The following RGL1 variants were observed in gnomAD, a reference collection of about 807,000 sequenced individuals.
The protein encoded by RGL1 is ral guanine nucleotide dissociation stimulator-like 1.
RGL1 carries 24 observed loss-of-function variants against 95.2 expected under a neutral mutation model. That is an observed-to-expected ratio of 0.25 (90% CI 0.18 to 0.35). The LOEUF (loss-of-function observed/expected upper bound fraction) is 0.35. Ranked by LOEUF, RGL1 falls within the 10% of genes least tolerant of loss-of-function variation. RGL1 has a pLI of 1.00. For synonymous variants in RGL1, 329 were observed against 344.9 expected, an observed-to-expected ratio of 0.95 and a Z score of 0.51; for missense variants, 715 against 936.3, an observed-to-expected ratio of 0.76 and a Z score of 3.08.
chr1:183,730,795 T>C (rs1276147336), intron 1 of RGL1, among the ~76,000 whole-genome samples: 2 of 152,170 alleles, frequency 1.3e-5, no homozygotes, highest in Non-Finnish European at 2.9e-5. Flanking sequence ...CTAGGCTGAC[T>C]TAATCAATGT....
In RGL1 at chr1:183,700,263, T is replaced by G. The variant is rs562556453; in HGVS notation, c.-32-41863T>G. Among the ~76,000 whole-genome samples, 3 of 152,222 alleles carry G rather than the reference T, an allele frequency of 2.0e-5. No individual in the cohort carries two copies. The South Asian group carries it at 6.2e-4, about 32-fold the overall frequency. ...GGAATTGTAGGCTGATGATAGTAGC[T>G]TTGTTGAGTTGGTAGCACTGGATCC... On this transcript the variant is annotated intron_variant, in intron 1 of 18. Transcript: ENST00000304685.
At chr1:183,644,647 ATT>A (rs1250565449) in intron 1 of RGL1, among the ~76,000 whole-genome samples, 1 of 151,832 alleles carries the variant, frequency 6.6e-6, no homozygotes, top group African/African-American at 2.4e-5. Context: ...TTTAAAATTT[ATT>A]TTATTTTATT....
At chr1:183,808,046 C>G (rs1301708087) in intron 2 of RGL1, among the ~76,000 whole-genome samples, 3 of 152,166 alleles carry the variant, frequency 2.0e-5, no homozygotes, top group South Asian at 2.1e-4. Context: ...GGTTATTCCT[C>G]TCTTTCTAAT....
intron 7 of RGL1, among the ~76,000 whole-genome samples, chr1:183,885,450 C>A (rs919678398): frequency 6.6e-6 from 1 of 152,172 alleles, no homozygotes; most frequent in African/African-American, 2.4e-5. Flanking sequence ...ACAGAGATCT[C>A]ATATTAATCT....
At chr1:183,805,389 G>A in intron 1 of RGL1, 65 bp downstream of exon 1, 9 of 1,478,606 alleles carry the variant, frequency 6.1e-6, no homozygotes, top group Non-Finnish European at 8.4e-6. Context: ...CGCTTTCGCT[G>A]GGCGTGTTTT....
At chr1:183,788,004 A>G (rs1475548821) in intron 2 of RGL1, among the ~76,000 whole-genome samples, 1 of 152,054 alleles carries the variant, frequency 6.6e-6, no homozygotes, top group Admixed American at 6.6e-5. Flanking sequence ...TTTTCTTCAT[A>G]AATTACCCAG....
At chr1:183,773,269 T>C (rs1421735555) in intron 2 of RGL1, among the ~76,000 whole-genome samples, 2 of 152,136 alleles carry the variant, frequency 1.3e-5, no homozygotes, top group Admixed American at 6.5e-5. Flanking sequence ...TGTACACTTA[T>C]CACATTATAT....
intron 1 of RGL1, among the ~76,000 whole-genome samples, chr1:183,704,868 C>T (rs762748002): frequency 3.3e-5 from 5 of 152,152 alleles, no homozygotes; most frequent in South Asian, 2.1e-4. Context: ...TAGCAGCTGC[C>T]GCCAATGCTT....
At chr1:183,717,879 C>G (rs1655724799) in intron 1 of RGL1, among the ~76,000 whole-genome samples, 1 of 152,300 alleles carries the variant, frequency 6.6e-6, no homozygotes, top group East Asian at 1.9e-4. Flanking sequence ...CTTCTCTCCT[C>G]TTGAGCAAAT....
At chr1:183,655,559 T>C (rs553889983) in intron 1 of RGL1, among the ~76,000 whole-genome samples, 12 of 152,164 alleles carry the variant, frequency 7.9e-5, no homozygotes, top group African/African-American at 2.9e-4. Context: ...ACTAAGGAGT[T>C]AGATGGGAAA....
chr1:183,679,960 T>C lies in RGL1; in HGVS notation c.-33+43459T>C, dbSNP rs192316236. ...GTGGTTTTGATTTGCATTTCTCTAA[T>C]GACCAGTGATGATGAGCTTTTTTTT... On this transcript the variant is annotated intron_variant, in intron 1 of 18. Coordinates refer to the RGL1 transcript ENST00000304685. Among the ~76,000 whole-genome samples the C allele has an allele frequency of 5.2e-3, 798 of 152,366 alleles. 5 individuals are homozygous for C. Among genetic ancestry groups the C allele is most frequent in the African/African-American group, 0.018 (753 of 41,580 alleles).
chr1:183,702,941 A>G (rs1572297949), intron 1 of RGL1, among the ~76,000 whole-genome samples: 1 of 152,276 alleles, frequency 6.6e-6, no homozygotes, highest in East Asian at 1.9e-4. Flanking sequence ...TCTCCTGTAA[A>G]CAGGAAGTAT....
chr1:183,897,065 CA>C (rs1468861485), intron 9 of RGL1, among the ~76,000 whole-genome samples: 1 of 152,236 alleles, frequency 6.6e-6, no homozygotes, highest in Non-Finnish European at 1.5e-5. Context: ...ACATCCATTT[CA>C]GGCCAAGATC....
At chr1:183,891,831 G>A (rs1209107130) in intron 8 of RGL1, among the ~76,000 whole-genome samples, 1 of 132,720 alleles carries the variant, frequency 7.5e-6, no homozygotes, top group Non-Finnish European at 1.6e-5. Context: ...CCTTTTTTAT[G>A]ATTATAATAT....
intron 2 of RGL1, among the ~76,000 whole-genome samples, chr1:183,756,280 G>A (rs1445093260): frequency 1.3e-5 from 2 of 151,972 alleles, no homozygotes; most frequent in Non-Finnish European, 2.9e-5. Flanking sequence ...TAAAGGAAAG[G>A]TAGAAACTAG....
At chr1:183,797,003 C>G (rs1232454553) in intron 2 of RGL1, among the ~76,000 whole-genome samples, 3 of 152,168 alleles carry the variant, frequency 2.0e-5, no homozygotes, top group Non-Finnish European at 4.4e-5. Context: ...CCAACTTCCT[C>G]CTTAGGAGAG....
At chr1:183,810,603 C>T (rs1177951414) in intron 2 of RGL1, among the ~76,000 whole-genome samples, 3 of 152,122 alleles carry the variant, frequency 2.0e-5, no homozygotes, top group Non-Finnish European at 2.9e-5. Context: ...GGTCATAGAA[C>T]GTGGCATTTG....
At chr1:183,855,854 T>C (rs1235232980) in intron 3 of RGL1, among the ~76,000 whole-genome samples, 1 of 152,206 alleles carries the variant, frequency 6.6e-6, no homozygotes, top group Non-Finnish European at 1.5e-5. Flanking sequence ...TTTATTAATG[T>C]TTAACTTCCA....
intron 2 of RGL1, among the ~76,000 whole-genome samples, chr1:183,761,960 T>C (rs748487755): frequency 3.9e-5 from 6 of 152,236 alleles, no homozygotes; most frequent in Non-Finnish European, 8.8e-5. Flanking sequence ...TGTAGCTTCT[T>C]CACCTCTCAC....
Sources: allele counts gnomAD v4.1 joint callset (sites outside exome capture counted in the v4.1 genomes callset), GRCh38; gene constraint gnomAD v4.1.1; transcripts MANE v1.5; gene names NCBI Gene and HGNC (gene_info 2026-07-23, HGNC 2026-07-21).